The following AQR variants were observed in gnomAD, a reference collection of about 807,000 sequenced individuals.
AQR encodes RNA helicase aquarius.
AQR carries 61 observed loss-of-function variants against 180.5 expected under a neutral mutation model. That is an observed-to-expected ratio of 0.34 (90% CI 0.28 to 0.42). The LOEUF is 0.42. Ranked by LOEUF, AQR falls within the 10% of genes least tolerant of loss-of-function variation. The probability of loss-of-function intolerance (pLI) is 1.00; values close to 1 mark genes in which losing one functional copy is unlikely to be tolerated. For missense variants in AQR, 1,281 were observed against 1,798.3 expected (o/e 0.71, Z 5.20); for synonymous variants, 551 against 588.8 (o/e 0.94, Z 0.93).
At position 34,969,715 on chromosome 15, in the gene AQR, C is replaced by G. The variant is rs562530388; in HGVS notation, c.-102G>C. The G allele has an allele frequency of 2.4e-4, 283 of 1,202,374 alleles. No individual in the cohort carries two copies. The Middle Eastern group carries it at 6.3e-3, about 27-fold the overall frequency. 74.5% of individuals were successfully genotyped at this position (1,202,374 alleles called of 1,614,324 possible). A position where few individuals can be genotyped will look rare whatever the true frequency, so the allele number is the denominator to read the frequency against. On this transcript the variant is annotated 5_prime_UTR_variant, in exon 1 of 35. Transcript: ENST00000156471. ...AAGTTACTGCCGGGGCGCTTAACTC[C>G]GCGCCGCACAAACGCTCCGGGCCGG...
At chr15:34,932,476 C>T in intron 10 of AQR, 42 bp from the exon 11 acceptor site, 1 of 1,365,410 alleles carries the variant, frequency 7.3e-7, no homozygotes, top group Non-Finnish European at 1.0e-6. Context: ...TGCATCTATT[C>T]TCCACAGCTA....
intron 15 of AQR, among the ~76,000 whole-genome samples, chr15:34,915,871 G>C (rs1264045847): frequency 6.6e-6 from 1 of 151,868 alleles, no homozygotes; most frequent in South Asian, 2.1e-4. Flanking sequence ...ACTTGAACCC[G>C]GGAGGCAGAG....
At chr15:34,956,309 T>C (rs902635689) in intron 3 of AQR, among the ~76,000 whole-genome samples, 2 of 150,952 alleles carry the variant, frequency 1.3e-5, no homozygotes, top group East Asian at 1.9e-4. Context: ...CATACCGGAG[T>C]GTACTAGTTA....
At chr15:34,948,170 G>A in intron 5 of AQR, 94 bp downstream of exon 5, 1 of 1,401,564 alleles carries the variant, frequency 7.1e-7, no homozygotes, top group Non-Finnish European at 9.6e-7. Flanking sequence ...GTAAAGTTCT[G>A]CTCTAAAAGC....
At chr15:34,866,271 C>T (rs1018847899) in intron 32 of AQR, among the ~76,000 whole-genome samples, 1 of 152,076 alleles carries the variant, frequency 6.6e-6, no homozygotes, top group Non-Finnish European at 1.5e-5. Context: ...AATGAACTGA[C>T]ATATCCCTTC....
At position 34,934,756 on chromosome 15, in the gene AQR, T is replaced by C. The variant is rs548927108; in HGVS notation, c.719-121A>G. 25 of 554,054 alleles carry C rather than the reference T, an allele frequency of 4.5e-5. No individual in the cohort carries two copies. The South Asian group carries it at 8.3e-4, about 18-fold the overall frequency. 34.3% of individuals were successfully genotyped at this position (554,054 alleles called of 1,614,324 possible). On this transcript the variant is annotated intron_variant, in intron 9 of 34. Coordinates refer to ENST00000156471, the MANE Select transcript of AQR (RefSeq NM_014691.3). Reference sequence around the variant, plus strand: ...GTCAATTGTCTTTTATTCATCAGAATTGGACTATGATTTAGAATGAGGATC... The same window carrying C: ...GTCAATTGTCTTTTATTCATCAGAACTGGACTATGATTTAGAATGAGGATC...
rs57627687 is a variant in AQR, at chr15:34,858,320, CAAAAAA to C, written c.4144-1220_4144-1215del. 1.4e-4 allele frequency among the ~76,000 whole-genome samples: 12 copies of C among 86,062 alleles called. 1 individual carries two copies. The East Asian group carries it at 2.9e-3, about 21-fold the overall frequency. 56.5% of individuals were successfully genotyped at this position (86,062 alleles called of 152,430 possible). A position where few individuals can be genotyped will look rare whatever the true frequency, so the allele number is the denominator to read the frequency against. ...TAAAAAGTACCGTGCACGACAGCAGCAAAAAAAAAAAAAAAAAAAAAGAAAACGAAA... is the reference window on the plus strand; with the variant it reads ...TAAAAAGTACCGTGCACGACAGCAGCAAAAAAAAAAAAAAAGAAAACGAAA... On this transcript the variant is annotated intron_variant, in intron 34 of 34. Coordinates refer to ENST00000156471, the MANE Select transcript of AQR (RefSeq NM_014691.3).
At chr15:34,939,124 AGT>A (rs1893987145) in intron 8 of AQR, among the ~76,000 whole-genome samples, 1 of 152,188 alleles carries the variant, frequency 6.6e-6, no homozygotes, top group South Asian at 2.1e-4. Flanking sequence ...GCTGGAGTGC[AGT>A]GGCGCGATTT....
At chr15:34,925,946 A>G (rs1157645568) in intron 13 of AQR, among the ~76,000 whole-genome samples, 1 of 152,224 alleles carries the variant, frequency 6.6e-6, no homozygotes, top group Non-Finnish European at 1.5e-5. Context: ...AGGCGGGCAG[A>G]TCACGAGGTC....
intron 13 of AQR, among the ~76,000 whole-genome samples, chr15:34,923,506 A>T (rs567477197): frequency 1.6e-4 from 25 of 152,152 alleles, no homozygotes; most frequent in Non-Finnish European, 2.2e-4. Context: ...TGTCTATAGA[A>T]ATCTTTGCAC....
chr15:34,949,246 T>A (rs1004901024), intron 4 of AQR, among the ~76,000 whole-genome samples: 34 of 132,636 alleles, frequency 2.6e-4, no homozygotes, highest in South Asian at 8.3e-4. Flanking sequence ...TCCACCCACC[T>A]CAGCCTCCCA....
intron 31 of AQR, chr15:34,869,887 T>C (rs1892790725): frequency 6.6e-6 from 1 of 152,206 alleles, no homozygotes; most frequent in East Asian, 1.9e-4. Flanking sequence ...GAAAATTTCA[T>C]CTTTTCCAGG....
chr15:34,946,422 G>C (rs1894114967), intron 5 of AQR, among the ~76,000 whole-genome samples: 1 of 91,982 alleles, frequency 1.1e-5, no homozygotes, highest in Non-Finnish European at 2.8e-5. Context: ...CCCCGTCCGG[G>C]AGGGAGGTGG....
intron 12 of AQR, among the ~76,000 whole-genome samples, chr15:34,929,191 T>C (rs1435961623): frequency 1.3e-5 from 2 of 152,222 alleles, no homozygotes; most frequent in Non-Finnish European, 2.9e-5. Flanking sequence ...GCTCTTTAGT[T>C]TAATTAGATC....
In AQR at chr15:34,927,080, T is replaced by C. The variant is rs750789474; in HGVS notation, c.1073A>G (p.Glu358Gly). ...GACCAAGGACTCCCGAGTATCTACT[T>C]CTGCCACATTTGAGAGGGCAAAATC... ...LYDFALSNVA[E>G]VDTRESLVKF... Residue 358 changes from glutamate (E) to glycine (G), a missense_variant, in exon 13 of 35, where the codon GAA (glutamate) becomes GGA (glycine). Glu to Gly is a moderately conservative substitution (Grantham distance 98). Coordinates refer to ENST00000156471, the MANE Select transcript of AQR (RefSeq NM_014691.3). 5.0e-6 allele frequency: 8 copies of C among 1,596,518 alleles called. No homozygotes were observed. The Admixed American group carries it at 6.8e-5, about 14-fold the overall frequency.
rs769821206 is a variant in AQR, at chr15:34,882,477, A to AAAAAAAAAAAC, written c.3165+24_3165+25insGTTTTTTTTTT. 16 of 1,455,178 alleles carry AAAAAAAAAAAC rather than the reference A, an allele frequency of 1.1e-5. No individual in the cohort carries two copies. In the African/African-American group the frequency reaches 2.2e-4, roughly 20 times the overall value. The allele number at this position is 1,455,178 out of a possible 1,614,324, so 90.1% of individuals were successfully genotyped here. ...TCTCTGATAATCTTAAAAAAAAAAAAAAAAAAACTACCATAAGTCTTTACC... is the reference window on the plus strand; with the variant it reads ...TCTCTGATAATCTTAAAAAAAAAAAAAAAAAAAAAACAAAAAAACTACCATAAGTCTTTACC... On this transcript the variant is annotated intron_variant, in intron 27 of 34. Transcript: ENST00000156471.
At position 34,952,878 on chromosome 15, in the gene AQR, A is replaced by G; in HGVS notation, c.209+7T>C. 1 of 1,465,292 alleles carries G rather than the reference A, an allele frequency of 6.8e-7. No individual in the cohort carries two copies. Among genetic ancestry groups the G allele is most frequent in the South Asian group, 1.2e-5 (1 of 81,690 alleles). 90.8% of individuals were successfully genotyped at this position (1,465,292 alleles called of 1,614,324 possible). ...CTCTTTCATCAATGGAATGCCTTAT[A>G]ACTTACCTAAATTCCAAGAGCATTA... On this transcript the variant is annotated splice_region_variant and intron_variant, in intron 4 of 34. Transcript: ENST00000156471.
At chr15:34,957,069 G>A (rs1894331156) in intron 3 of AQR, among the ~76,000 whole-genome samples, 1 of 152,152 alleles carries the variant, frequency 6.6e-6, no homozygotes, top group Non-Finnish European at 1.5e-5. Context: ...GTTACATCAA[G>A]CCATTCCCCC....
chr15:34,896,353 T>C (rs565594711), intron 22 of AQR, among the ~76,000 whole-genome samples: 6 of 152,214 alleles, frequency 3.9e-5, no homozygotes, highest in Admixed American at 1.3e-4. Context: ...CAATTAAAAA[T>C]AAAACAAAAC....
Sources: gnomAD v4.1 joint callset for allele counts (sites outside exome capture counted in the v4.1 genomes callset) on GRCh38, gnomAD v4.1.1 for gene constraint, MANE v1.5 for transcripts, NCBI Gene and HGNC (gene_info 2026-07-23, HGNC 2026-07-21) for gene names.